Variants in PKIB observed in about 807,000 individuals in gnomAD.
PKIB encodes the protein PKI-beta.
Under a neutral mutation model 4.5 loss-of-function variants are expected in PKIB, and 2 were observed. The observed-to-expected ratio is 0.44, with a 90% CI of 0.18 to 1.39. The LOEUF (loss-of-function observed/expected upper bound fraction) is 1.39. Among genes scored for constraint, PKIB ranks in the 40% most tolerant of loss-of-function variants. The pLI is 0.27. For synonymous variants in PKIB, 38 were observed against 36.0 expected (o/e 1.06, Z -0.20); for missense variants, 94 against 92.6 (o/e 1.02, Z -0.06).
intron 1 of PKIB, among the ~76,000 whole-genome samples, chr6:122,617,006 C>T (rs1242084145): frequency 6.6e-6 from 1 of 152,074 alleles, no homozygotes; most frequent in Non-Finnish European, 1.5e-5. Context: ...AAATCTACAG[C>T]CTTTCTACCC....
chr6:122,485,722 G>A (rs999846370), intron 2 of PKIB, among the ~76,000 whole-genome samples: 4 of 152,216 alleles, frequency 2.6e-5, no homozygotes, highest in African/African-American at 7.2e-5. Flanking sequence ...TGTTAAAGCG[G>A]AAGGATGGTG....
intron 1 of PKIB, among the ~76,000 whole-genome samples, chr6:122,612,393 A>G (rs1774796374): frequency 6.6e-6 from 1 of 152,140 alleles, no homozygotes; most frequent in Non-Finnish European, 1.5e-5. Flanking sequence ...TAAAACCATT[A>G]CCATATCTGG....
intron 3 of PKIB, among the ~76,000 whole-genome samples, chr6:122,694,987 A>G (rs950360120): frequency 1.2e-4 from 19 of 152,204 alleles, no homozygotes; most frequent in African/African-American, 4.1e-4. Context: ...AATCTAATAC[A>G]GTAGAGGGTT....
intron 2 of PKIB, among the ~76,000 whole-genome samples, chr6:122,532,191 A>C (rs1354995577): frequency 6.6e-6 from 1 of 152,230 alleles, no homozygotes; most frequent in Non-Finnish European, 1.5e-5. Context: ...AATGAGAAAA[A>C]TAAAGTATCT....
intron 4 of PKIB, among the ~76,000 whole-genome samples, chr6:122,722,021 A>G (rs540613065): frequency 7.9e-5 from 12 of 152,282 alleles, no homozygotes; most frequent in African/African-American, 2.6e-4. Flanking sequence ...CTCTCAGAGA[A>G]ATTATGTTGG....
At chr6:122,558,192 A>G (rs944037012) in intron 2 of PKIB, among the ~76,000 whole-genome samples, 1 of 152,218 alleles carries the variant, frequency 6.6e-6, no homozygotes, top group Non-Finnish European at 1.5e-5. Flanking sequence ...ACACAATGTT[A>G]TCAAGCCTCT....
intron 3 of PKIB, among the ~76,000 whole-genome samples, chr6:122,603,651 A>G (rs1446277906): frequency 6.6e-6 from 1 of 151,674 alleles, no homozygotes; most frequent in Non-Finnish European, 1.5e-5. Flanking sequence ...CGGCTAATTT[A>G]TGGATTTTTA....
chr6:122,651,918 C>T (rs1008474304), intron 2 of PKIB, among the ~76,000 whole-genome samples: 3 of 152,134 alleles, frequency 2.0e-5, no homozygotes, highest in Non-Finnish European at 4.4e-5. Context: ...AATATATGGT[C>T]ACCTAAAACC....
At chr6:122,500,289 C>A (rs1261472126) in intron 2 of PKIB, among the ~76,000 whole-genome samples, 10 of 149,062 alleles carry the variant, frequency 6.7e-5, no homozygotes, top group Admixed American at 6.7e-4. Context: ...GAGATTATAT[C>A]ACATTCTTTT....
At chr6:122,526,627 A>C (rs1371541896) in intron 2 of PKIB, among the ~76,000 whole-genome samples, 1 of 152,142 alleles carries the variant, frequency 6.6e-6, no homozygotes, top group African/African-American at 2.4e-5. Context: ...CAATGGACTT[A>C]AAATATTCAA....
chr6:122,590,031 A>G (rs1028558357), intron 3 of PKIB, among the ~76,000 whole-genome samples: 7 of 152,192 alleles, frequency 4.6e-5, no homozygotes, highest in Non-Finnish European at 1.0e-4. Flanking sequence ...TCAGAAAAAA[A>G]TGAGTAAAAA....
intron 2 of PKIB, chr6:122,481,689 T>C (rs934464506): frequency 3.3e-5 from 5 of 152,234 alleles, no homozygotes; most frequent in African/African-American, 7.2e-5. Context: ...TTTGTGTGTG[T>C]ACATACACAC....
chr6:122,532,489 TGAAATTCTG>T (rs1777288392), intron 2 of PKIB, among the ~76,000 whole-genome samples: 1 of 152,178 alleles, frequency 6.6e-6, no homozygotes, highest in Admixed American at 6.6e-5. Context: ...ATCTCCAGAA[TGAAATTCTG>T]TACTCATTAA....
chr6:122,575,932 C>A (rs1225383801), intron 2 of PKIB, among the ~76,000 whole-genome samples: 1 of 152,014 alleles, frequency 6.6e-6, no homozygotes, highest in East Asian at 2.0e-4. Flanking sequence ...ACTACTGATA[C>A]AACAACATGA....
At chr6:122,528,396 C>T (rs1000860690) in intron 2 of PKIB, among the ~76,000 whole-genome samples, 7 of 152,128 alleles carry the variant, frequency 4.6e-5, no homozygotes, top group African/African-American at 1.7e-4. Context: ...GCTGATAAAA[C>T]AAAATACCAT....
intron 4 of PKIB, 43 bp from the exon 5 acceptor site, chr6:122,725,085 A>C: frequency 1.4e-6 from 2 of 1,404,016 alleles, no homozygotes; most frequent in Non-Finnish European, 2.0e-6. Context: ...ATACAAAATA[A>C]ATTTCAATAT....
At chr6:122,485,008 A>G (rs1057019289) in intron 2 of PKIB, among the ~76,000 whole-genome samples, 5 of 152,276 alleles carry the variant, frequency 3.3e-5, no homozygotes, top group Middle Eastern at 3.4e-3. Flanking sequence ...GCTGTAATCA[A>G]TCTAGTTGTT....
At position 122,576,689 on chromosome 6, in the gene PKIB, A is replaced by AAAAAAAAAAAAAAAAAAT. The variant is rs1345822382; in HGVS notation, c.-247-9231_-247-9230insAAAAAAAAAAAAAAAATA. ...ATCTCAAAAAAAAAAAAAAAAAAAA[A>AAAAAAAAAAAAAAAAAAT]ATATATATATATATATATATATTTT... On this transcript the variant is annotated intron_variant, in intron 2 of 6. Transcript: ENST00000392491. Among the ~76,000 whole-genome samples the AAAAAAAAAAAAAAAAAAT allele has an allele frequency of 5.8e-5, 2 of 34,314 alleles. 1 individual carries two copies. The highest frequency in any genetic ancestry group is 2.6e-4 in the African/African-American group (2 of 7,610). 22.5% of individuals were successfully genotyped at this position (34,314 alleles called of 152,430 possible). A position where few individuals can be genotyped will look rare whatever the true frequency, so the allele number is the denominator to read the frequency against.
chr6:122,677,868 T>G (rs1777740195), intron 3 of PKIB, among the ~76,000 whole-genome samples: 1 of 110,630 alleles, frequency 9.0e-6, no homozygotes. Flanking sequence ...CCTTCCTTCC[T>G]TCCTTCCTTC....
Sources: allele counts gnomAD v4.1 joint callset (sites outside exome capture counted in the v4.1 genomes callset), GRCh38; gene constraint gnomAD v4.1.1; transcripts MANE v1.5; gene names NCBI Gene and HGNC (gene_info 2026-07-23, HGNC 2026-07-21).